The following AKAP9 variants were observed in gnomAD, a reference collection of about 807,000 sequenced individuals.
The protein encoded by AKAP9 is A-kinase anchor protein 9.
In AKAP9, 311 loss-of-function variants were observed where a neutral mutation model predicts 488.5. That is an observed-to-expected ratio of 0.64 (90% confidence interval 0.58 to 0.70). The LOEUF is 0.70. Among genes scored for constraint, AKAP9 ranks in the 30% least tolerant of loss-of-function variants. AKAP9 has a pLI of 0.00. For missense variants in AKAP9, 4,215 were observed against 4,374.5 expected (o/e 0.96, Z 1.03); for synonymous variants, 1,462 against 1,483.5 (o/e 0.99, Z 0.33).
intron 3 of AKAP9, among the ~76,000 whole-genome samples, chr7:91,984,468 T>G (rs1796817432): frequency 6.6e-6 from 1 of 152,216 alleles, no homozygotes; most frequent in African/African-American, 2.4e-5. Flanking sequence ...CTGAGGCCTG[T>G]GTTCTGTTCC....
intron 22 of AKAP9, chr7:92,058,105 A>C (rs763827820): frequency 6.3e-5 from 33 of 524,528 alleles, no homozygotes; most frequent in Non-Finnish European, 1.1e-4. Context: ...ACTAAAAAGA[A>C]CTTTTTAATG....
At chr7:92,089,636 T>C in intron 38 of AKAP9, 107 bp downstream of exon 38, 1 of 1,193,196 alleles carries the variant, frequency 8.4e-7, no homozygotes, top group Non-Finnish European at 1.2e-6. Context: ...TGGTCACATT[T>C]TCTTCTCATT....
chr7:92,109,044 T>TAA, intron 49 of AKAP9: 1 of 199,290 alleles, frequency 5.0e-6, no homozygotes, highest in Non-Finnish European at 9.7e-6. Context: ...AGACCCTGTC[T>TAA]CAAAGAAAAA....
In AKAP9 at chr7:92,083,360, G is replaced by T; in HGVS notation, c.8351G>T (p.Gly2784Val). The change falls in exon 33 of 50, where the codon GGG (glycine) becomes GTG (valine). Residue 2784 changes from glycine (G) to valine (V), a missense_variant. This residue lies in a region of AKAP9 where 1,476 missense variants were observed against 1,477.4 expected (regional missense o/e 1.00). Transcript: ENST00000356239. ...LSKSIASQTD[G>V]TLKISSSNQT... ...AAGAGCATTGCATCCCAGACAGATG[G>T]GACTCTGAAGATCAGTAGCAGCAAT... The T allele has an allele frequency of 6.2e-7, 1 of 1,613,932 alleles. No individual in the cohort carries two copies. Among genetic ancestry groups the T allele is most frequent in the Non-Finnish European group, 8.5e-7 (1 of 1,179,994 alleles).
At chr7:92,073,654 C>T (rs1812101354) in intron 28 of AKAP9, among the ~76,000 whole-genome samples, 1 of 151,996 alleles carries the variant, frequency 6.6e-6, no homozygotes, top group African/African-American at 2.4e-5. Flanking sequence ...GTTACAGGCT[C>T]AATAAGAAGA....
At chr7:91,994,088 C>T (rs1040772364) in intron 5 of AKAP9, among the ~76,000 whole-genome samples, 15 of 152,040 alleles carry the variant, frequency 9.9e-5, no homozygotes, top group Non-Finnish European at 1.5e-4. Flanking sequence ...AAAATCACAC[C>T]GCTGCACTCT....
At chr7:92,084,777 G>C (rs911759858) in intron 34 of AKAP9, 42 bp from the exon 35 acceptor site, 61 of 1,574,608 alleles carry the variant, frequency 3.9e-5, no homozygotes, top group Non-Finnish European at 5.3e-5. Context: ...ACTGGGGTTT[G>C]ATTTTTTTTT....
rs1455346729 is a variant in AKAP9, at chr7:92,083,792, A to G, written c.8646+137A>G. 2.0e-5 allele frequency: 18 copies of G among 886,056 alleles called. No homozygotes were observed. The Admixed American group carries it at 4.3e-4, about 21-fold the overall frequency. The allele number at this position is 886,056 out of a possible 1,614,324, so 54.9% of individuals were successfully genotyped here. On this transcript the variant is annotated intron_variant, in intron 33 of 49. Coordinates refer to ENST00000356239, the MANE Select transcript of AKAP9 (RefSeq NM_005751.5). ...CTTGATCTTTCTAAGTAGGTGTATT[A>G]TCAAGGCAAGTTTTAAACTCCTAGT...
In AKAP9 at chr7:92,002,198, G is replaced by C; in HGVS notation, c.2281G>C (p.Glu761Gln). Residue 761 changes from glutamate (E) to glutamine (Q), a missense_variant, in exon 8 of 50, where the codon GAA (glutamate) becomes CAA (glutamine). Physicochemically the swap from Glu to Gln is conservative, Grantham distance 29. Around this residue, in one of 5 missense-constraint regions of AKAP9, gnomAD observed 2,361 missense variants for 2,430.0 expected, o/e 0.97. Transcript: ENST00000356239. ...AGAATTGTTAGAAAAACAGATGAAG[G>C]AAAAAGAGAATGATCTTCAAGAAAA... ...KTELLEKQMK[E>Q]KENDLQEKFA... 1 of 1,591,344 alleles carries C rather than the reference G, an allele frequency of 6.3e-7. No individual in the cohort carries two copies. The highest frequency in any genetic ancestry group is 1.9e-5 in the Admixed American group (1 of 53,988).
chr7:91,947,636 G>A (rs1791635205), intron 1 of AKAP9, among the ~76,000 whole-genome samples: 1 of 152,124 alleles, frequency 6.6e-6, no homozygotes, highest in African/African-American at 2.4e-5. Flanking sequence ...AACCGCGCCC[G>A]GCCGCAAACA....
chr7:92,100,707 A>G (rs1817384268), intron 44 of AKAP9, 149 bp from the exon 45 acceptor site: 1 of 814,300 alleles, frequency 1.2e-6, no homozygotes, highest in Non-Finnish European at 2.1e-6. Flanking sequence ...GAGTTAGTGT[A>G]TATGCGTAAT....
chr7:92,054,654 G>A (rs1385154251), intron 22 of AKAP9, among the ~76,000 whole-genome samples: 1 of 152,048 alleles, frequency 6.6e-6, no homozygotes, highest in Non-Finnish European at 1.5e-5. Context: ...TATTATAGGA[G>A]TTATTTACTT....
chr7:92,097,469 AAAATG>A, intron 41 of AKAP9, 112 bp downstream of exon 41: 1 of 1,512,640 alleles, frequency 6.6e-7, no homozygotes, highest in South Asian at 1.2e-5. Context: ...AAATCACTTA[AAAATG>A]AAATCTATAG....
Position 92,084,692 on chromosome 7 carries a change from T to G in AKAP9, c.8699T>G (p.Ile2900Arg). Residue 2900 changes from isoleucine to arginine, a missense_variant, in exon 34 of 50, where the codon ATA becomes AGA. Coordinates refer to ENST00000356239, the MANE Select transcript of AKAP9 (RefSeq NM_005751.5). ...AHSDAYQTRE[I>R]CSSDSGSDWG... is the part of the protein sequence containing the mutation. ...TCTGATGCTTACCAGACTAGAGAAA[T>G]ATGCTCCAGTGGTAAGTTATATAAA... is the stretch of plus-strand genomic sequence containing the variant. 6.2e-7 allele frequency: 1 copy of G among 1,610,432 alleles called. No homozygotes were observed. Among genetic ancestry groups the G allele is most frequent in the Non-Finnish European group, 8.5e-7 (1 of 1,176,926 alleles).
At chr7:92,100,751 T>TG in intron 44 of AKAP9, 105 bp from the exon 45 acceptor site, 1 of 1,295,920 alleles carries the variant, frequency 7.7e-7, no homozygotes, top group Non-Finnish European at 1.1e-6. Context: ...TTTGTCTGGG[T>TG]GGGGTTAGAA....
At chr7:92,029,798 A>G (rs1186758344) in intron 14 of AKAP9, 97 bp from the exon 15 acceptor site, 1 of 979,986 alleles carries the variant, frequency 1.0e-6, no homozygotes, top group Non-Finnish European at 1.7e-6. Flanking sequence ...TTTGTCTCCC[A>G]TGCCCCAGTA....
chr7:91,957,916 T>G (rs1463899986), intron 1 of AKAP9, among the ~76,000 whole-genome samples: 1 of 152,154 alleles, frequency 6.6e-6, no homozygotes, highest in Non-Finnish European at 1.5e-5. Flanking sequence ...ACTGCCCCTG[T>G]GCTATTTTTT....
chr7:91,967,513 A>C (rs1211104522), intron 1 of AKAP9, among the ~76,000 whole-genome samples: 2 of 152,202 alleles, frequency 1.3e-5, no homozygotes, highest in African/African-American at 4.8e-5. Flanking sequence ...TCTATCCTAA[A>C]GGCATGTTGA....
At position 91,956,053 on chromosome 7, in the gene AKAP9, C is replaced by T. The variant is rs1362161703; in HGVS notation, c.48+14906C>T. Among the ~76,000 whole-genome samples the T allele has an allele frequency of 3.9e-5, 6 of 152,062 alleles. No individual in the cohort carries two copies. The East Asian group carries it at 1.2e-3, about 29-fold the overall frequency. ...CAATAAACACAAAAAAGAGTCTTTACTATGCTATTTTCACTATTAACTTTA... is the reference window on the plus strand; with the variant it reads ...CAATAAACACAAAAAAGAGTCTTTATTATGCTATTTTCACTATTAACTTTA... On this transcript the variant is annotated intron_variant, in intron 1 of 49. Transcript: ENST00000356239.
Sources: allele counts gnomAD v4.1 joint callset (sites outside exome capture counted in the v4.1 genomes callset), GRCh38; gene constraint gnomAD v4.1.1; regional missense constraint gnomAD v4.1.1; transcripts MANE v1.5; gene names NCBI Gene and HGNC (gene_info 2026-07-23, HGNC 2026-07-21).